The following CTNNA3 variants were observed in gnomAD, a reference collection of about 807,000 sequenced individuals.
The protein encoded by CTNNA3 is catenin alpha-3.
CTNNA3 carries 76 observed loss-of-function variants against 95.7 expected under a neutral mutation model. The observed-to-expected ratio is 0.79, with a 90% CI of 0.66 to 0.96. The LOEUF (loss-of-function observed/expected upper bound fraction) is 0.96, where lower values mean the gene tolerates loss of function less well. Ranked by LOEUF, CTNNA3 falls within the 40% of genes least tolerant of loss-of-function variation. The pLI, the probability that CTNNA3 is intolerant of heterozygous loss-of-function variation, is 0.00. For missense variants in CTNNA3, 1,191 were observed against 1,089.8 expected, an observed-to-expected ratio of 1.09 and a Z score of -1.31; for synonymous variants, 431 against 374.4, an observed-to-expected ratio of 1.15 and a Z score of -1.74.
chr10:66,800,019 T>C (rs934621047), intron 7 of CTNNA3, among the ~76,000 whole-genome samples: 1 of 151,244 alleles, frequency 6.6e-6, no homozygotes, highest in Non-Finnish European at 1.5e-5. Flanking sequence ...AAGATAAAAG[T>C]TCAGAGAATT....
At chr10:66,913,744 C>T (rs373994241) in intron 7 of CTNNA3, among the ~76,000 whole-genome samples, 8 of 152,080 alleles carry the variant, frequency 5.3e-5, no homozygotes, top group African/African-American at 1.2e-4. Flanking sequence ...CTTCATAGAG[C>T]GAGATCAACT....
chr10:66,772,365 C>G (rs1840123192), intron 8 of CTNNA3, among the ~76,000 whole-genome samples: 1 of 149,402 alleles, frequency 6.7e-6, no homozygotes, highest in South Asian at 2.1e-4. Context: ...GCGGAGGTTG[C>G]AACGAGCCGA....
intron 1 of CTNNA3, among the ~76,000 whole-genome samples, chr10:67,648,120 T>C (rs1441981875): frequency 1.3e-5 from 2 of 152,172 alleles, no homozygotes; most frequent in African/African-American, 2.4e-5. Context: ...TGAGAAGGCA[T>C]TGATATTTGG....
intron 10 of CTNNA3, among the ~76,000 whole-genome samples, chr10:66,585,127 T>C (rs1361302786): frequency 5.9e-5 from 9 of 152,098 alleles, no homozygotes; most frequent in Admixed American, 5.9e-4. Flanking sequence ...TTCCTTCATG[T>C]TGACTTTAGA....
chr10:66,038,451 C>T (rs2079612810), intron 15 of CTNNA3, among the ~76,000 whole-genome samples: 1 of 152,032 alleles, frequency 6.6e-6, no homozygotes. Context: ...GACTGACTGC[C>T]AGACCAGGAG....
At chr10:67,448,436 T>C (rs1432266523) in intron 5 of CTNNA3, among the ~76,000 whole-genome samples, 2 of 152,012 alleles carry the variant, frequency 1.3e-5, no homozygotes, top group Non-Finnish European at 2.9e-5. Context: ...ATCCTAAAGC[T>C]ATAATAATAA....
chr10:66,321,141 GCTTC>G (rs1301953073), intron 12 of CTNNA3, among the ~76,000 whole-genome samples: 2 of 151,924 alleles, frequency 1.3e-5, no homozygotes, highest in Non-Finnish European at 2.9e-5. Flanking sequence ...CCCAAGTCCA[GCTTC>G]TACTCAACTG....
At chr10:67,592,255 T>C (rs1842812377) in intron 3 of CTNNA3, among the ~76,000 whole-genome samples, 1 of 152,140 alleles carries the variant, frequency 6.6e-6, no homozygotes, top group Non-Finnish European at 1.5e-5. Flanking sequence ...AAATTTTACT[T>C]TGTCTTACTC....
intron 12 of CTNNA3, among the ~76,000 whole-genome samples, chr10:66,343,658 C>A (rs953300819): frequency 1.3e-5 from 2 of 151,898 alleles, no homozygotes; most frequent in Non-Finnish European, 2.9e-5. Flanking sequence ...TTCTAGTGCT[C>A]TATACCACTC....
chr10:66,135,968 C>T (rs555180469), intron 13 of CTNNA3, among the ~76,000 whole-genome samples: 1 of 149,674 alleles, frequency 6.7e-6, no homozygotes, highest in Non-Finnish European at 1.5e-5. Context: ...GTGGTGCGAT[C>T]TCAGCTCACT....
chr10:66,874,331 A>T (rs1844530615), intron 7 of CTNNA3, among the ~76,000 whole-genome samples: 1 of 152,196 alleles, frequency 6.6e-6, no homozygotes, highest in Admixed American at 6.5e-5. Flanking sequence ...AAAAAGGAAC[A>T]ATTCCCAATT....
intron 13 of CTNNA3, among the ~76,000 whole-genome samples, chr10:66,202,894 A>G (rs1346986833): frequency 1.3e-5 from 2 of 152,214 alleles, no homozygotes; most frequent in Non-Finnish European, 2.9e-5. Context: ...CTAAATGTAT[A>G]TTAGTTCATA....
At chr10:66,580,941 T>C (rs1239756484) in intron 10 of CTNNA3, among the ~76,000 whole-genome samples, 1 of 151,744 alleles carries the variant, frequency 6.6e-6, no homozygotes, top group Non-Finnish European at 1.5e-5. Context: ...TTATACCACT[T>C]GGTATGCCTT....
At chr10:66,097,617 A>G (rs778540629) in intron 14 of CTNNA3, among the ~76,000 whole-genome samples, 1 of 152,120 alleles carries the variant, frequency 6.6e-6, no homozygotes, top group Admixed American at 6.6e-5. Context: ...TGACTTATAC[A>G]TTACAGTAGT....
intron 7 of CTNNA3, chr10:66,926,697 T>A (rs985404006): frequency 1.5e-5 from 20 of 1,292,634 alleles, no homozygotes; most frequent in Non-Finnish European, 2.2e-5. Flanking sequence ...TGCTCTGCTC[T>A]AAGACTATGA....
At chr10:66,810,418 T>G (rs190049982) in intron 7 of CTNNA3, among the ~76,000 whole-genome samples, 4 of 152,114 alleles carry the variant, frequency 2.6e-5, no homozygotes, top group Non-Finnish European at 5.9e-5. Context: ...CTTAGATCAC[T>G]CTTTTTCTGT....
intron 9 of CTNNA3, among the ~76,000 whole-genome samples, chr10:66,702,982 T>C (rs1848003817): frequency 6.6e-6 from 1 of 152,102 alleles, no homozygotes; most frequent in Non-Finnish European, 1.5e-5. Context: ...TATTTCCCCA[T>C]TGGTCAATGA....
At chr10:66,129,532 C>A (rs2082987648) in intron 13 of CTNNA3, among the ~76,000 whole-genome samples, 1 of 152,132 alleles carries the variant, frequency 6.6e-6, no homozygotes. Flanking sequence ...GAGACTTTAG[C>A]CATAGGAGAA....
At chr10:67,356,046 C>A (rs76810142) in intron 5 of CTNNA3, among the ~76,000 whole-genome samples, 2,586 of 152,038 alleles carry the variant, frequency 0.017, 70 homozygotes, top group African/African-American at 0.059. Flanking sequence ...CACAGGAAAC[C>A]CAAAGTTCCT....
Sources: allele counts gnomAD v4.1 joint callset (sites outside exome capture counted in the v4.1 genomes callset), GRCh38; gene constraint gnomAD v4.1.1; transcripts MANE v1.5; gene names NCBI Gene and HGNC (gene_info 2026-07-23, HGNC 2026-07-21).